Variants in ROBO1 observed in about 807,000 individuals in gnomAD.
The protein encoded by ROBO1 is roundabout guidance receptor 1.
Under a neutral mutation model 195.9 loss-of-function variants are expected in ROBO1, and 149 were observed. The ratio of observed to expected loss-of-function variants is 0.76; its 90% CI spans 0.67 to 0.87. ROBO1 has a LOEUF of 0.87. ROBO1 is among the 40% of genes least tolerant of loss of function. The pLI, the probability that ROBO1 is intolerant of heterozygous loss-of-function variation, is 0.00. For synonymous variants in ROBO1, 816 were observed against 733.2 expected, an observed-to-expected ratio of 1.11 and a Z score of -1.82; for missense variants, 1,933 against 2,068.3, an observed-to-expected ratio of 0.93 and a Z score of 1.27.
chr3:78,884,653 AAGGAAGGAAGGAAGGAAGGAAGG>A (rs2036419428), intron 4 of ROBO1, among the ~76,000 whole-genome samples: 2 of 95,172 alleles, frequency 2.1e-5, no homozygotes, highest in South Asian at 3.8e-4. Flanking sequence ...GAAAGAAAGG[AAGGAAGGAAGGAAGGAAGGAAGG>A]AAGGAAGGAA....
At chr3:78,624,015 A>G (rs1439132403) in intron 26 of ROBO1, among the ~76,000 whole-genome samples, 3 of 152,190 alleles carry the variant, frequency 2.0e-5, no homozygotes, top group Non-Finnish European at 2.9e-5. Context: ...ATATAGTATC[A>G]AAAAAGGTAG....
At chr3:78,811,050 G>A (rs942587463) in intron 4 of ROBO1, among the ~76,000 whole-genome samples, 2 of 152,028 alleles carry the variant, frequency 1.3e-5, no homozygotes, top group Non-Finnish European at 2.9e-5. Context: ...TGCTTTACAT[G>A]AAATTATGCT....
intron 2 of ROBO1, among the ~76,000 whole-genome samples, chr3:79,193,532 A>G (rs1035715539): frequency 3.3e-5 from 5 of 150,838 alleles, no homozygotes; most frequent in Admixed American, 1.3e-4. Context: ...CTATTTCAAG[A>G]AAGCCTAGAT....
At chr3:78,913,849 C>A (rs554358491) in intron 4 of ROBO1, among the ~76,000 whole-genome samples, 1 of 152,212 alleles carries the variant, frequency 6.6e-6, no homozygotes, top group Non-Finnish European at 1.5e-5. Flanking sequence ...AAAGACAGAG[C>A]CCTTTTATGT....
chr3:78,873,100 T>C (rs541358739), intron 4 of ROBO1, among the ~76,000 whole-genome samples: 7 of 152,188 alleles, frequency 4.6e-5, no homozygotes, highest in Admixed American at 1.3e-4. Flanking sequence ...TTCTATTTTA[T>C]TTACTTTAAA....
chr3:79,760,877 G>A (rs1350398593), intron 1 of ROBO1, among the ~76,000 whole-genome samples: 4 of 151,384 alleles, frequency 2.6e-5, no homozygotes, highest in Admixed American at 6.6e-5. Flanking sequence ...AAAAAGAGAA[G>A]AAACACATTA....
At chr3:79,336,761 A>C (rs1576992610) in intron 2 of ROBO1, among the ~76,000 whole-genome samples, 1 of 152,164 alleles carries the variant, frequency 6.6e-6, no homozygotes, top group Admixed American at 6.5e-5. Flanking sequence ...TGCACTATGC[A>C]CCTGTAAAAG....
chr3:78,849,877 T>C (rs1023570270), intron 4 of ROBO1, among the ~76,000 whole-genome samples: 1 of 130,424 alleles, frequency 7.7e-6, no homozygotes, highest in African/African-American at 3.3e-5. Flanking sequence ...CACACTCTTA[T>C]AGTCATGCAC....
intron 3 of ROBO1, among the ~76,000 whole-genome samples, chr3:78,963,364 G>GGAT (rs2041483711): frequency 6.6e-6 from 1 of 151,782 alleles, no homozygotes; most frequent in South Asian, 2.1e-4. Flanking sequence ...ATGATGCCTT[G>GGAT]GATGAACATG....
intron 2 of ROBO1, among the ~76,000 whole-genome samples, chr3:79,535,959 GAGATTAAATAAAT>G (rs944488741): frequency 2.6e-5 from 4 of 151,930 alleles, no homozygotes; most frequent in Non-Finnish European, 5.9e-5. Context: ...TTAATGCACT[GAGATTAAATAAAT>G]ATCTGCCTTT....
intron 4 of ROBO1, among the ~76,000 whole-genome samples, chr3:78,781,580 G>T (rs546330441): frequency 6.6e-6 from 1 of 152,150 alleles, no homozygotes; most frequent in South Asian, 2.1e-4. Flanking sequence ...ATCCCCTGGG[G>T]AGACAGAAAA....
intron 3 of ROBO1, among the ~76,000 whole-genome samples, chr3:78,945,957 G>A (rs1178543380): frequency 6.7e-6 from 1 of 150,350 alleles, no homozygotes; most frequent in African/African-American, 2.5e-5. Flanking sequence ...AGCGAGAAGA[G>A]AAGTTTAGAG....
At chr3:79,039,779 G>A (rs920675930) in intron 3 of ROBO1, among the ~76,000 whole-genome samples, 4 of 77,214 alleles carry the variant, frequency 5.2e-5, no homozygotes, top group Non-Finnish European at 9.2e-5. Flanking sequence ...TCCAGCCTGG[G>A]CTACAAAGCA....
At chr3:78,818,166 T>C (rs2030355261) in intron 4 of ROBO1, among the ~76,000 whole-genome samples, 1 of 152,076 alleles carries the variant, frequency 6.6e-6, no homozygotes, top group African/African-American at 2.4e-5. Flanking sequence ...TAACCAGCAG[T>C]AGAGGGCCTT....
chr3:78,893,913 T>C (rs139234144), intron 4 of ROBO1, among the ~76,000 whole-genome samples: 12 of 152,324 alleles, frequency 7.9e-5, no homozygotes, highest in Admixed American at 2.6e-4. Flanking sequence ...TTCTTCATTC[T>C]GAATTTTGAC....
chr3:78,791,531 T>G (rs1183293696), intron 4 of ROBO1, among the ~76,000 whole-genome samples: 8 of 152,208 alleles, frequency 5.3e-5, no homozygotes, highest in Admixed American at 4.6e-4. Context: ...AAACCTTCGC[T>G]GAGACAGGCT....
At chr3:79,758,556 T>A (rs751276378) in intron 1 of ROBO1, among the ~76,000 whole-genome samples, 4 of 152,218 alleles carry the variant, frequency 2.6e-5, no homozygotes, top group Non-Finnish European at 4.4e-5. Flanking sequence ...AGAGAGATGA[T>A]CTTTCTATAG....
At chr3:79,224,480 A>C (rs1427499245) in intron 2 of ROBO1, among the ~76,000 whole-genome samples, 1 of 152,150 alleles carries the variant, frequency 6.6e-6, no homozygotes, top group Non-Finnish European at 1.5e-5. Context: ...TCAGTGGGCT[A>C]TTTGATAGGA....
intron 3 of ROBO1, among the ~76,000 whole-genome samples, chr3:79,101,149 A>C (rs776600897): frequency 5.3e-5 from 8 of 151,796 alleles, no homozygotes; most frequent in Admixed American, 1.3e-4. Context: ...TAAAAAACAC[A>C]GATATAGCTA....
Sources: allele counts gnomAD v4.1 joint callset (sites outside exome capture counted in the v4.1 genomes callset), GRCh38; gene constraint gnomAD v4.1.1; transcripts MANE v1.5; gene names NCBI Gene and HGNC (gene_info 2026-07-23, HGNC 2026-07-21).